CKAP5: variants seen among roughly 807,000 people sequenced by gnomAD.
CKAP5 encodes cytoskeleton-associated protein 5.
Under a neutral mutation model 232.8 loss-of-function variants are expected in CKAP5, and 27 were observed. That is an observed-to-expected ratio of 0.12 (90% confidence interval 0.09 to 0.16). The LOEUF (loss-of-function observed/expected upper bound fraction) is 0.16. CKAP5 is among the 10% of genes least tolerant of loss of function. The pLI is 1.00. For missense variants in CKAP5, 1,838 were observed against 2,424.7 expected (o/e 0.76, Z 5.08); for synonymous variants, 785 against 841.1 (o/e 0.93, Z 1.16).
chr11:46,821,455 C>T (rs561872371), intron 1 of CKAP5, among the ~76,000 whole-genome samples, 187 bp from the exon 2 acceptor site: 3 of 115,448 alleles, frequency 2.6e-5, no homozygotes, highest in East Asian at 2.5e-4. Context: ...GACGGAGTCT[C>T]GCTCTGTCAC....
At chr11:46,770,235 C>G (rs1484436753) in intron 25 of CKAP5, 137 bp from the exon 26 acceptor site, 2 of 831,318 alleles carry the variant, frequency 2.4e-6, no homozygotes, top group South Asian at 1.6e-5. Flanking sequence ...GGAGGCAGTA[C>G]ATGGTGTCAG....
intron 24 of CKAP5, 140 bp from the exon 25 acceptor site, chr11:46,771,122 T>C: frequency 1.6e-6 from 1 of 625,112 alleles, no homozygotes. Context: ...ATCAGTACTT[T>C]TCATAATTCA....
In CKAP5 at chr11:46,744,118, T is replaced by C. The variant is rs768206127; in HGVS notation, c.6004A>G (p.Thr2002Ala). ...HQHSDLDSNQTHSSGTVTSSS... is the reference protein window; with the variant it reads ...HQHSDLDSNQAHSSGTVTSSS... Reference sequence around the variant, plus strand: ...GAGGTCACAGTTCCTGAAGAGTGAGTCTGGTTAGAATCCAGGTCTGAATGC... The same window carrying C: ...GAGGTCACAGTTCCTGAAGAGTGAGCCTGGTTAGAATCCAGGTCTGAATGC... Residue 2002 changes from threonine to alanine, a missense_variant, in exon 44 of 44, where the codon ACT (threonine) becomes GCT (alanine). Thr to Ala is a moderately conservative substitution (Grantham distance 58). Around this residue, in one of 6 missense-constraint regions of CKAP5, gnomAD observed 62 missense variants for 61.1 expected, o/e 1.01. Coordinates refer to ENST00000529230, the MANE Select transcript of CKAP5 (RefSeq NM_001008938.4). 2 of 1,613,876 alleles carry C rather than the reference T, an allele frequency of 1.2e-6. No individual in the cohort carries two copies. Among genetic ancestry groups the C allele is most frequent in the African/African-American group, 2.7e-5 (2 of 74,848 alleles).
At chr11:46,834,364 C>CA (rs1939866891) in intron 1 of CKAP5, among the ~76,000 whole-genome samples, 1 of 151,592 alleles carries the variant, frequency 6.6e-6, no homozygotes. Context: ...ACTAAAAATA[C>CA]AAAAATTAGC....
intron 40 of CKAP5, 66 bp downstream of exon 40, chr11:46,751,052 C>T (rs1418484947): frequency 6.3e-7 from 1 of 1,590,522 alleles, no homozygotes. Flanking sequence ...TGGTGACCTA[C>T]ACCTTAGATA....
chr11:46,804,851 TTA>T (rs1030101642), intron 8 of CKAP5, among the ~76,000 whole-genome samples: 1 of 151,104 alleles, frequency 6.6e-6, no homozygotes, highest in Non-Finnish European at 1.5e-5. Context: ...GATAAATAAA[TTA>T]TATATATATA....
In CKAP5 at chr11:46,836,046, T is replaced by C. The variant is rs144477478; in HGVS notation, c.-38+10174A>G. On this transcript the variant is annotated intron_variant, in intron 1 of 43. Coordinates refer to ENST00000529230, the MANE Select transcript of CKAP5 (RefSeq NM_001008938.4). ...AAGGGCAGTCTACAAAACAACTGAC[T>C]AGTACTCCTCAAAATGGTCATGGTC... 2.6e-5 allele frequency among the ~76,000 whole-genome samples: 4 copies of C among 152,262 alleles called. No homozygotes were observed. The East Asian group carries it at 7.7e-4, about 29-fold the overall frequency.
rs1396200412 is a variant in CKAP5, at chr11:46,811,046, A to G, written c.591T>C (p.Asp197=). Residue 197 remains aspartate, a synonymous_variant, in exon 5 of 44, where the codon GAT becomes GAC. Transcript: ENST00000529230. ...IAVEIYRWIR[D]ALRPPLQNIN... is the part of the protein sequence containing the mutation. ...TATTTTGTAATGGGGGTCTCAGAGC[A>G]TCCCGAATCCATCTGTAAATCTCCA... 5 of 1,613,920 alleles carry G rather than the reference A, an allele frequency of 3.1e-6. No individual in the cohort carries two copies. The highest frequency in any genetic ancestry group is 1.3e-5 in the African/African-American group (1 of 74,944).
intron 1 of CKAP5, among the ~76,000 whole-genome samples, chr11:46,832,754 ATTG>A (rs1939821350): frequency 6.6e-6 from 1 of 152,158 alleles, no homozygotes; most frequent in South Asian, 2.1e-4. Context: ...TCATCTAATC[ATTG>A]TTGTAAAGAT....
At chr11:46,766,079 G>T (rs957004587) in intron 27 of CKAP5, among the ~76,000 whole-genome samples, 1 of 152,122 alleles carries the variant, frequency 6.6e-6, no homozygotes, top group African/African-American at 2.4e-5. Flanking sequence ...CTTCATATCA[G>T]ATAGAAAGAA....
chr11:46,800,138 AT>A (rs1938993719), intron 9 of CKAP5, among the ~76,000 whole-genome samples: 1 of 152,218 alleles, frequency 6.6e-6, no homozygotes, highest in Non-Finnish European at 1.5e-5. Flanking sequence ...AAAATGGCAT[AT>A]ACACATCGAT....
At chr11:46,830,334 G>A (rs555955703) in intron 1 of CKAP5, among the ~76,000 whole-genome samples, 3 of 151,262 alleles carry the variant, frequency 2.0e-5, no homozygotes, top group East Asian at 3.9e-4. Flanking sequence ...CCAGCTACTC[G>A]GGAGGCTGAG....
At chr11:46,752,193 T>TATATATATATATATACACAC (rs1408030107) in intron 38 of CKAP5, among the ~76,000 whole-genome samples, 10 of 66,520 alleles carry the variant, frequency 1.5e-4, no homozygotes, top group African/African-American at 5.1e-4. Flanking sequence ...TATATATATA[T>TATATATATATATATACACAC]ACACACACAC....
At chr11:46,765,004 A>G (rs527821382) in intron 28 of CKAP5, 127 bp downstream of exon 28, 19 of 847,442 alleles carry the variant, frequency 2.2e-5, no homozygotes, top group Middle Eastern at 3.9e-4. Flanking sequence ...ACTAAATAAT[A>G]TAATTTATAA....
intron 25 of CKAP5, 141 bp from the exon 26 acceptor site, chr11:46,770,239 G>A (rs2065236278): frequency 1.2e-6 from 1 of 800,818 alleles, no homozygotes. Context: ...GCAGTACATG[G>A]TGTCAGAGAA....
rs140503117 is a variant in CKAP5, at chr11:46,800,748, A to G, written c.1083+452T>C. On this transcript the variant is annotated intron_variant, in intron 9 of 43. Coordinates refer to ENST00000529230, the MANE Select transcript of CKAP5 (RefSeq NM_001008938.4). ...TGTCTCAAATATGTAAGTAAATTAT[A>G]TATTAAAATAGGAAAACAATGTAAA... Among the ~76,000 whole-genome samples the G allele has an allele frequency of 9.8e-5, 15 of 152,318 alleles. No homozygotes were observed. The East Asian group carries it at 2.9e-3, about 29-fold the overall frequency.
Position 46,763,549 on chromosome 11 carries a change from A to G in CKAP5, c.3619T>C (p.Trp1207Arg). The G allele has an allele frequency of 6.2e-7, 1 of 1,606,652 alleles. No individual in the cohort carries two copies. Among genetic ancestry groups the G allele is most frequent in the Admixed American group, 1.7e-5 (1 of 57,582 alleles). The change falls in exon 29 of 44, where the codon TGG becomes CGG. Residue 1207 changes from tryptophan to arginine, a missense_variant. By Grantham distance (101) the Trp-to-Arg change is moderately radical. This residue lies in a region of CKAP5 where 767 missense variants were observed against 954.6 expected (regional missense o/e 0.80). Transcript: ENST00000529230. ...KTQMSSCVAK[W>R]LQDEMFHSDF... ...GAGTGAAACATCTCATCTTGTAACC[A>G]TTTAGCCACACAGCTAGACATTTGA... is the stretch of plus-strand genomic sequence containing the variant.
rs1365865085 is a variant in CKAP5, at chr11:46,758,953, G to A, written c.4659C>T (p.Asp1553=). 6.2e-7 allele frequency: 1 copy of A among 1,613,806 alleles called. No homozygotes were observed. The highest frequency in any genetic ancestry group is 8.5e-7 in the Non-Finnish European group (1 of 1,179,936). The change falls in exon 35 of 44, where the codon GAC becomes GAT. Residue 1553 remains aspartate, a synonymous_variant. Transcript: ENST00000529230. ...TCAGAGCTTGGATACTTGTGTTGAT[G>A]TCACCACTGGCTACTTGGGAGATAA... ...NFIISQVASG[D]INTSIQALTQ... is the part of the protein sequence containing the mutation.
chr11:46,770,229 G>A, intron 25 of CKAP5, 131 bp from the exon 26 acceptor site: 2 of 857,662 alleles, frequency 2.3e-6, no homozygotes, highest in Non-Finnish European at 3.7e-6. Context: ...AGTAAGGGAG[G>A]CAGTACATGG....
Sources: allele counts gnomAD v4.1 joint callset (sites outside exome capture counted in the v4.1 genomes callset), GRCh38; gene constraint gnomAD v4.1.1; regional missense constraint gnomAD v4.1.1; transcripts MANE v1.5; gene names NCBI Gene and HGNC (gene_info 2026-07-23, HGNC 2026-07-21).